Variants in JADE3 observed in about 807,000 individuals in gnomAD.
The protein encoded by JADE3 is protein Jade-3.
A neutral mutation model predicts 50.1 loss-of-function variants in JADE3; 2 were observed. The ratio of observed to expected loss-of-function variants is 0.04; its 90% confidence interval spans 0.02 to 0.13. The LOEUF (loss-of-function observed/expected upper bound fraction) is 0.13, where lower values mean the gene tolerates loss of function less well. JADE3 is among the 10% of genes least tolerant of loss of function. The pLI is 1.00. For missense variants in JADE3, 475 were observed against 634.4 expected, an observed-to-expected ratio of 0.75 and a Z score of 2.70; for synonymous variants, 218 against 232.9, an observed-to-expected ratio of 0.94 and a Z score of 0.58.
At chrX:46,961,716 C>G (rs1450822108) in intron 1 of JADE3, among the ~76,000 whole-genome samples, 1 of 111,530 alleles carries the variant, frequency 9.0e-6, no homozygotes, top group African/African-American at 3.3e-5. Context: ...AGGGAAACAT[C>G]CTGTACTGAG....
intron 4 of JADE3, among the ~76,000 whole-genome samples, chrX:47,017,485 A>G (rs1165029986): frequency 1.8e-5 from 2 of 112,098 alleles, no homozygotes; most frequent in African/African-American, 6.5e-5. Flanking sequence ...AACATACATT[A>G]TAAGTTGTAT....
chrX:46,919,734 G>A (rs782769890), intron 1 of JADE3, among the ~76,000 whole-genome samples: 1 of 111,518 alleles, frequency 9.0e-6, no homozygotes, highest in South Asian at 3.7e-4. Flanking sequence ...GGCTCATTTT[G>A]TATGTCTTAG....
chrX:46,958,580 A>G (rs1487995600), intron 1 of JADE3, among the ~76,000 whole-genome samples: 1 of 111,104 alleles, frequency 9.0e-6, no homozygotes, highest in Admixed American at 9.6e-5. Flanking sequence ...CCTATAAACA[A>G]TTTTCTCAAT....
intron 1 of JADE3, among the ~76,000 whole-genome samples, chrX:46,954,628 C>T (rs1458992881): frequency 2.7e-5 from 3 of 111,257 alleles, no homozygotes; most frequent in Admixed American, 9.5e-5. Context: ...GATCTCGGCT[C>T]GCTGCAGCCT....
chrX:47,022,692 G>A (rs1210947716), intron 4 of JADE3, among the ~76,000 whole-genome samples: 1 of 111,307 alleles, frequency 9.0e-6, no homozygotes, highest in Non-Finnish European at 1.9e-5. Context: ...TTTTTAGATG[G>A]ACCACCTTGT....
chrX:46,912,519 G>T lies in JADE3; in HGVS notation c.-212G>T. ...AGGCCTGACGGGCCGGGCGGACGAG[G>T]GCCGAGGGCGGGAGCTGAGGCGCGG... On this transcript the variant is annotated 5_prime_UTR_variant, in exon 1 of 11. Coordinates refer to ENST00000614628, the MANE Select transcript of JADE3 (RefSeq NM_014735.5). 8.8e-6 allele frequency: 1 copy of T among 113,555 alleles called. No individual in the cohort carries two copies. The highest frequency in any genetic ancestry group is 3.4e-4 in the South Asian group (1 of 2,962). 9.4% of individuals were successfully genotyped at this position (113,555 alleles called of 1,213,427 possible). A position where few individuals can be genotyped will look rare whatever the true frequency, so the allele number is the denominator to read the frequency against.
intron 1 of JADE3, among the ~76,000 whole-genome samples, chrX:46,953,221 G>A (rs782677418): frequency 1.6e-4 from 6 of 37,976 alleles, no homozygotes; most frequent in Non-Finnish European, 3.1e-4. Context: ...GCCCCCCACC[G>A]CCACCTCACC....
At chrX:46,943,062 C>T (rs1926799322) in intron 1 of JADE3, among the ~76,000 whole-genome samples, 1 of 112,451 alleles carries the variant, frequency 8.9e-6, no homozygotes, top group African/African-American at 3.2e-5. Flanking sequence ...TATCCTAAAA[C>T]TTTACTGAAT....
At position 46,934,672 on chromosome X, in the gene JADE3, C is replaced by T. The variant is rs1362469426; in HGVS notation, c.-12+21953C>T. On this transcript the variant is annotated intron_variant, in intron 1 of 10. Coordinates refer to ENST00000614628, the MANE Select transcript of JADE3 (RefSeq NM_014735.5). Reference sequence around the variant, plus strand: ...CTGGTCTCCAACTCCTGATCTCAAGCGATCCAACTACCTCGGCCTCCCAAA... The same window carrying T: ...CTGGTCTCCAACTCCTGATCTCAAGTGATCCAACTACCTCGGCCTCCCAAA... Among the ~76,000 whole-genome samples the T allele has an allele frequency of 5.6e-5, 6 of 107,411 alleles. No individual in the cohort carries two copies. In the East Asian group the frequency reaches 1.2e-3, roughly 21 times the overall value. The allele number at this position is 107,411 out of a possible 115,157, so 93.3% of individuals were successfully genotyped here. A position where few individuals can be genotyped will look rare whatever the true frequency, so the allele number is the denominator to read the frequency against.
chrX:46,935,529 A>C (rs1453455613), intron 1 of JADE3, among the ~76,000 whole-genome samples: 1 of 110,634 alleles, frequency 9.0e-6, no homozygotes, highest in Admixed American at 9.6e-5. Context: ...ACCTCCTATC[A>C]GATCAGTGGT....
At chrX:47,024,309 C>G (rs905103990) in intron 4 of JADE3, among the ~76,000 whole-genome samples, 176 of 111,799 alleles carry the variant, frequency 1.6e-3, no homozygotes, top group African/African-American at 5.5e-3. Context: ...CATAGTGAGA[C>G]CCCATCTCTT....
chrX:47,058,028 A>T, intron 10 of JADE3, 139 bp from the exon 11 acceptor site: 1 of 515,918 alleles, frequency 1.9e-6, no homozygotes, highest in Non-Finnish European at 3.2e-6. Flanking sequence ...TCCAGCTGCT[A>T]CACCATGATA....
At chrX:46,961,296 C>G (rs781782899) in intron 1 of JADE3, among the ~76,000 whole-genome samples, 1 of 111,575 alleles carries the variant, frequency 9.0e-6, no homozygotes, top group South Asian at 3.8e-4. Flanking sequence ...CATGCAAAAA[C>G]AAGCATCATT....
intron 4 of JADE3, among the ~76,000 whole-genome samples, chrX:47,022,949 A>G (rs1400478776): frequency 9.0e-6 from 1 of 111,426 alleles, no homozygotes; most frequent in African/African-American, 3.3e-5. Context: ...GCATAGCTCC[A>G]TGGCCTCTTG....
At chrX:47,005,280 G>A (rs782786252) in intron 4 of JADE3, among the ~76,000 whole-genome samples, 21 of 110,943 alleles carry the variant, frequency 1.9e-4, no homozygotes, top group Non-Finnish European at 3.0e-4. Context: ...AATCTCTGTC[G>A]CCCAGGCTGG....
chrX:46,951,995 C>G (rs1037874633), intron 1 of JADE3, among the ~76,000 whole-genome samples: 7 of 111,633 alleles, frequency 6.3e-5, no homozygotes, highest in Admixed American at 9.5e-5. Flanking sequence ...AACTCCTGGG[C>G]TCAAGTGATC....
rs782661044 is a variant in JADE3 at position 47,046,936 on chromosome X, A to AG, written c.973-7220dup. Among the ~76,000 whole-genome samples, 26 of 112,169 alleles carry AG rather than the reference A, an allele frequency of 2.3e-4. No individual in the cohort carries two copies. In the East Asian group the frequency reaches 6.7e-3, roughly 29 times the overall value. ...TTGTAACATAAAGGATAAATGCTTG[A>AG]GGTGTGGGATAGAAATTGAATAACA... On this transcript the variant is annotated intron_variant, in intron 8 of 10. Coordinates refer to ENST00000614628, the MANE Select transcript of JADE3 (RefSeq NM_014735.5).
intron 4 of JADE3, among the ~76,000 whole-genome samples, chrX:47,024,109 G>A (rs782521861): frequency 6.3e-5 from 7 of 111,676 alleles, no homozygotes; most frequent in Admixed American, 1.9e-4. Context: ...TGCAGATATC[G>A]CCCCCTCCCA....
intron 7 of JADE3, among the ~76,000 whole-genome samples, chrX:47,038,231 A>G (rs1222208909): frequency 2.7e-5 from 3 of 111,940 alleles, no homozygotes; most frequent in Non-Finnish European, 5.6e-5. Context: ...AATCTTGACT[A>G]TCGTGAACAT....
Sources: gnomAD v4.1 joint callset for allele counts (sites outside exome capture counted in the v4.1 genomes callset) on GRCh38, gnomAD v4.1.1 for gene constraint, MANE v1.5 for transcripts, NCBI Gene and HGNC (gene_info 2026-07-23, HGNC 2026-07-21) for gene names.